LYZL2: variants seen among roughly 807,000 people sequenced by gnomAD.
LYZL2 encodes lysozyme like 2.
In LYZL2, 13 loss-of-function variants were observed where a neutral mutation model predicts 17.1. The observed-to-expected ratio is 0.76, with a 90% CI of 0.49 to 1.21. The LOEUF is 1.21. Among genes scored for constraint, LYZL2 ranks in the 50% most tolerant of loss-of-function variants. The pLI, the probability that LYZL2 is intolerant of heterozygous loss-of-function variation, is 0.00. For missense variants in LYZL2, 166 were observed against 189.2 expected (o/e 0.88, Z 0.72); for synonymous variants, 63 against 74.4 (o/e 0.85, Z 0.79).
downstream of LYZL2, chr10:30,611,747 A>C: frequency 1.6e-6 from 1 of 640,544 alleles, no homozygotes. Flanking sequence ...GAAAGAAAGA[A>C]AGAAAGGAAA....
chr10:30,625,290 A>G (rs935824267), intron 3 of LYZL2, among the ~76,000 whole-genome samples: 1 of 152,128 alleles, frequency 6.6e-6, no homozygotes, highest in Non-Finnish European at 1.5e-5. Flanking sequence ...TGATATTTTA[A>G]TGACTCGGTA....
chr10:30,629,132 C>T (rs1838766377), intron 1 of LYZL2, among the ~76,000 whole-genome samples: 1 of 152,218 alleles, frequency 6.6e-6, no homozygotes, highest in Non-Finnish European at 1.5e-5. Context: ...GTGGCCCACA[C>T]CTGTAATCTC....
chr10:30,618,836 T>G (rs1366993607), intron 3 of LYZL2, among the ~76,000 whole-genome samples: 1 of 152,164 alleles, frequency 6.6e-6, no homozygotes, highest in Non-Finnish European at 1.5e-5. Context: ...GGGATCTAAT[T>G]AAACTAAAGA....
At chr10:30,612,292 G>A (rs565945764) in intron 4 of LYZL2, among the ~76,000 whole-genome samples, 7 of 152,276 alleles carry the variant, frequency 4.6e-5, no homozygotes, top group Admixed American at 1.3e-4. Flanking sequence ...GTGAAAATTC[G>A]GGTTCCCTGA....
intron 3 of LYZL2, among the ~76,000 whole-genome samples, chr10:30,620,964 G>A (rs1215143116): frequency 1.3e-5 from 2 of 152,096 alleles, no homozygotes; most frequent in Non-Finnish European, 2.9e-5. Context: ...GAACCTCAAT[G>A]ATGAATGGTA....
At chr10:30,626,386 G>A in intron 2 of LYZL2, 123 bp from the exon 3 acceptor site, 1 of 1,460,000 alleles carries the variant, frequency 6.8e-7, no homozygotes, top group Non-Finnish European at 9.1e-7. Flanking sequence ...ACCTTGGGCA[G>A]GGCAGGGCGG....
At chr10:30,610,117 T>G (rs1838415803), downstream of LYZL2, among the ~76,000 whole-genome samples, 1 of 48,988 alleles carries the variant, frequency 2.0e-5, no homozygotes, top group Non-Finnish European at 4.3e-5. Flanking sequence ...CAATAGCTGA[T>G]GAGCTAAAAA....
At chr10:30,628,772 G>A (rs561522493) in intron 1 of LYZL2, among the ~76,000 whole-genome samples, 1 of 152,322 alleles carries the variant, frequency 6.6e-6, no homozygotes, top group East Asian at 1.9e-4. Context: ...CGAGTAACAA[G>A]CAGGGCTTTA....
At chr10:30,628,361 T>A (rs1446008796) in intron 1 of LYZL2, among the ~76,000 whole-genome samples, 1 of 152,170 alleles carries the variant, frequency 6.6e-6, no homozygotes, top group Non-Finnish European at 1.5e-5. Flanking sequence ...GTCTGGCACC[T>A]GACTGGGGAG....
At chr10:30,607,921 G>T (rs138323818), downstream of LYZL2, among the ~76,000 whole-genome samples, 1 of 152,082 alleles carries the variant, frequency 6.6e-6, no homozygotes, top group African/African-American at 2.4e-5. Flanking sequence ...GAGAAACATC[G>T]CCAGGAGGCT....
At chr10:30,622,290 T>A (rs1323923089) in intron 3 of LYZL2, among the ~76,000 whole-genome samples, 1 of 152,206 alleles carries the variant, frequency 6.6e-6, no homozygotes, top group Non-Finnish European at 1.5e-5. Context: ...CTCACTTCTG[T>A]AATCCCAGCA....
At chr10:30,627,815 C>T (rs1280560840) in intron 1 of LYZL2, among the ~76,000 whole-genome samples, 1 of 152,156 alleles carries the variant, frequency 6.6e-6, no homozygotes, top group Non-Finnish European at 1.5e-5. Flanking sequence ...AACAGACACC[C>T]CATTTCAGCC....
At chr10:30,629,340 G>T (rs1303352499) in intron 1 of LYZL2, among the ~76,000 whole-genome samples, 1 of 151,288 alleles carries the variant, frequency 6.6e-6, no homozygotes, top group Admixed American at 6.6e-5. Context: ...GCTGTTGTGA[G>T]TTGTGATTGT....
At chr10:30,612,359 G>A (rs1838459344) in intron 4 of LYZL2, among the ~76,000 whole-genome samples, 2 of 152,212 alleles carry the variant, frequency 1.3e-5, no homozygotes, top group African/African-American at 4.8e-5. Context: ...CAAGGCCCCA[G>A]GCTCAATGCT....
chr10:30,629,307 T>A (rs1275869023), intron 1 of LYZL2, among the ~76,000 whole-genome samples: 1 of 151,628 alleles, frequency 6.6e-6, no homozygotes, highest in Non-Finnish European at 1.5e-5. Flanking sequence ...GGTGGGAGGA[T>A]CTTTTAAGGC....
At chr10:30,628,637 G>A (rs1474480570) in intron 1 of LYZL2, among the ~76,000 whole-genome samples, 6 of 152,266 alleles carry the variant, frequency 3.9e-5, no homozygotes, top group East Asian at 1.9e-4. Context: ...TGTTCATCCC[G>A]TGTCATTTTC....
chr10:30,611,565 AGG>A (rs1491368729), downstream of LYZL2, among the ~76,000 whole-genome samples: 910 of 87,832 alleles, frequency 0.01, 3 homozygotes, highest in South Asian at 0.016. Flanking sequence ...GAAGGAAGGA[AGG>A]AAGGAAAGAA....
downstream of LYZL2, among the ~76,000 whole-genome samples, chr10:30,610,526 C>T (rs1019456182): frequency 6.6e-6 from 1 of 152,122 alleles, no homozygotes; most frequent in African/African-American, 2.4e-5. Context: ...CAGAACATCA[C>T]ACACTGGGGC....
intron 1 of LYZL2, 71 bp from the exon 2 acceptor site, chr10:30,627,011 T>C: frequency 6.3e-7 from 1 of 1,584,940 alleles, no homozygotes; most frequent in Non-Finnish European, 8.6e-7. Flanking sequence ...TCGGTGACTG[T>C]GCACAGCCCT....
Sources: gnomAD v4.1 joint callset for allele counts (sites outside exome capture counted in the v4.1 genomes callset) on GRCh38, gnomAD v4.1.1 for gene constraint, MANE v1.5 for transcripts, NCBI Gene and HGNC (gene_info 2026-07-23, HGNC 2026-07-21) for gene names.